GRID2: variants seen among roughly 807,000 people sequenced by gnomAD.
GRID2 encodes the protein glutamate receptor ionotropic, delta-2.
A neutral mutation model predicts 114.8 loss-of-function variants in GRID2; 33 were observed. The ratio of observed to expected loss-of-function variants is 0.29; its 90% CI spans 0.22 to 0.38. GRID2 has a LOEUF of 0.38. Ranked by LOEUF, GRID2 falls within the 10% of genes least tolerant of loss-of-function variation. GRID2 has a pLI of 1.00. For missense variants in GRID2, 1,184 were observed against 1,257.7 expected (o/e 0.94, Z 0.89); for synonymous variants, 505 against 449.9 (o/e 1.12, Z -1.55).
chr4:92,493,561 G>A (rs1416923750), intron 1 of GRID2, among the ~76,000 whole-genome samples: 2 of 152,158 alleles, frequency 1.3e-5, no homozygotes, highest in Admixed American at 1.3e-4. Context: ...GGTGTGTCTT[G>A]CATCCTTGTG....
At chr4:93,435,792 A>G (rs550593383) in intron 10 of GRID2, among the ~76,000 whole-genome samples, 7 of 152,292 alleles carry the variant, frequency 4.6e-5, no homozygotes, top group Admixed American at 3.3e-4. Flanking sequence ...CTTAACAACT[A>G]TGGATATACC....
chr4:92,434,930 G>A lies in GRID2; in HGVS notation c.88+130186G>A, dbSNP rs148252145. On this transcript the variant is annotated intron_variant, in intron 1 of 15. Coordinates refer to ENST00000282020, the MANE Select transcript of GRID2 (RefSeq NM_001510.4). Reference sequence around the variant, plus strand: ...TAAAAATAGAAGATTACTTGCTGTCGTTGATCACATGGGAATGGAATTCAA... The same window carrying A: ...TAAAAATAGAAGATTACTTGCTGTCATTGATCACATGGGAATGGAATTCAA... 3.3e-3 allele frequency among the ~76,000 whole-genome samples: 499 copies of A among 152,136 alleles called. 4 individuals are homozygous for A. Among genetic ancestry groups the A allele is most frequent in the African/African-American group, 0.011 (456 of 41,522 alleles).
intron 2 of GRID2, among the ~76,000 whole-genome samples, chr4:92,680,183 A>G (rs1194710468): frequency 2.6e-5 from 4 of 152,136 alleles, no homozygotes; most frequent in Non-Finnish European, 5.9e-5. Context: ...TTTTAGGGAA[A>G]TCATTTAGTG....
chr4:92,587,794 G>A (rs1232467293), intron 1 of GRID2, among the ~76,000 whole-genome samples: 1 of 152,146 alleles, frequency 6.6e-6, no homozygotes, highest in African/African-American at 2.4e-5. Context: ...CAAGTTTAAT[G>A]TTTAAGGCAA....
In GRID2 at chr4:92,637,486, C is replaced by T. The variant is rs538889968; in HGVS notation, c.244+47200C>T. Among the ~76,000 whole-genome samples the T allele has an allele frequency of 6.6e-4, 101 of 152,042 alleles. 1 individual carries two copies. Among genetic ancestry groups the T allele is most frequent in the Non-Finnish European group, 1.2e-3 (84 of 67,968 alleles). On this transcript the variant is annotated intron_variant, in intron 2 of 15. Transcript: ENST00000282020. ...CTTGGAGTTGTATTGTGAATATATT[C>T]GTGTCCTTATAAAGGACCACATAAC...
chr4:92,876,387 C>T (rs1266772171), intron 2 of GRID2, among the ~76,000 whole-genome samples: 1 of 151,910 alleles, frequency 6.6e-6, no homozygotes, highest in Admixed American at 6.6e-5. Flanking sequence ...CAAGCTCCGC[C>T]CCAGCCTCCA....
chr4:93,058,484 A>G (rs1351849354), intron 2 of GRID2, among the ~76,000 whole-genome samples: 2 of 151,980 alleles, frequency 1.3e-5, no homozygotes, highest in African/African-American at 4.8e-5. Context: ...ACTTAGTTCA[A>G]CTACTAAGAG....
intron 11 of GRID2, among the ~76,000 whole-genome samples, chr4:93,456,962 C>T (rs1041782411): frequency 6.6e-6 from 1 of 152,076 alleles, no homozygotes; most frequent in Non-Finnish European, 1.5e-5. Flanking sequence ...CTAAGCTTAC[C>T]TGTTACTGTA....
At chr4:92,443,227 CAA>C (rs1733218553) in intron 1 of GRID2, among the ~76,000 whole-genome samples, 1 of 152,070 alleles carries the variant, frequency 6.6e-6, no homozygotes, top group African/African-American at 2.4e-5. Context: ...TATTTTATGA[CAA>C]GAATTATTTA....
intron 1 of GRID2, among the ~76,000 whole-genome samples, chr4:92,539,761 C>G (rs1725832921): frequency 1.3e-5 from 2 of 151,966 alleles, no homozygotes; most frequent in African/African-American, 2.4e-5. Flanking sequence ...ATCTCATGTT[C>G]TAATATGTTT....
chr4:92,388,259 G>A (rs1730073071), intron 1 of GRID2, among the ~76,000 whole-genome samples: 1 of 152,004 alleles, frequency 6.6e-6, no homozygotes, highest in African/African-American at 2.4e-5. Context: ...GTCATTGGCT[G>A]TTTTAAAAAT....
chr4:92,403,693 A>AAGAT lies in GRID2; in HGVS notation c.88+98950_88+98951insGATA, dbSNP rs906579566. ...GGGGACAGAGTGAGACTCCATCTCA[A>AAGAT]AAATAAATAAATAAATAAATAAATA... On this transcript the variant is annotated intron_variant, in intron 1 of 15. Transcript: ENST00000282020. Among the ~76,000 whole-genome samples the AAGAT allele has an allele frequency of 5.7e-4, 79 of 139,140 alleles. 1 individual carries two copies. Among genetic ancestry groups the AAGAT allele is most frequent in the Non-Finnish European group, 9.9e-4 (64 of 64,818 alleles). The allele number at this position is 139,140 out of a possible 152,430, so 91.3% of individuals were successfully genotyped here.
chr4:92,307,705 ACTTT>A (rs767343232), intron 1 of GRID2, among the ~76,000 whole-genome samples: 6 of 146,650 alleles, frequency 4.1e-5, no homozygotes, highest in Non-Finnish European at 7.8e-5. Flanking sequence ...TTTTATGATT[ACTTT>A]GAGTTTCAAA....
intron 4 of GRID2, among the ~76,000 whole-genome samples, chr4:93,131,961 G>A (rs1734845966): frequency 6.6e-6 from 1 of 152,060 alleles, no homozygotes; most frequent in African/African-American, 2.4e-5. Context: ...TCTGTGATCT[G>A]ATTTTAGGAA....
At chr4:93,708,602 T>A (rs1728209860) in intron 14 of GRID2, among the ~76,000 whole-genome samples, 1 of 152,036 alleles carries the variant, frequency 6.6e-6, no homozygotes, top group Admixed American at 6.6e-5. Context: ...TGTTGAATGT[T>A]GTTTTTTTAA....
intron 12 of GRID2, among the ~76,000 whole-genome samples, chr4:93,514,484 C>A (rs529236005): frequency 6.9e-6 from 1 of 145,844 alleles, no homozygotes; most frequent in African/African-American, 2.6e-5. Context: ...ATATAGCAAA[C>A]GAAATATAGA....
intron 1 of GRID2, among the ~76,000 whole-genome samples, chr4:92,327,092 C>G (rs1298973747): frequency 3.9e-5 from 6 of 152,000 alleles, no homozygotes; most frequent in Non-Finnish European, 5.9e-5. Flanking sequence ...AATATTTCTT[C>G]TACTGAGTGG....
At chr4:93,151,178 C>A (rs1018167556) in intron 4 of GRID2, among the ~76,000 whole-genome samples, 1 of 151,562 alleles carries the variant, frequency 6.6e-6, no homozygotes, top group East Asian at 1.9e-4. Context: ...AGAAGCACTG[C>A]CTCCAGCTCA....
chr4:93,730,483 C>T (rs199816192), intron 14 of GRID2, among the ~76,000 whole-genome samples: 1 of 152,146 alleles, frequency 6.6e-6, no homozygotes, highest in Non-Finnish European at 1.5e-5. Flanking sequence ...AAAATAAAAG[C>T]GACAATCAAG....
Sources: gnomAD v4.1 joint callset for allele counts (sites outside exome capture counted in the v4.1 genomes callset) on GRCh38, gnomAD v4.1.1 for gene constraint, MANE v1.5 for transcripts, NCBI Gene and HGNC (gene_info 2026-07-23, HGNC 2026-07-21) for gene names.